GSTA2: variants seen among roughly 807,000 people sequenced by gnomAD.
GSTA2 encodes glutathione S-transferase alpha 2.
In GSTA2, 27 loss-of-function variants were observed where a neutral mutation model predicts 22.4. The ratio of observed to expected loss-of-function variants is 1.21; its 90% CI spans 0.89 to 1.67. The LOEUF is 1.67. GSTA2 is among the 40% of genes most tolerant of loss of function. The pLI is 0.00. For missense variants in GSTA2, 302 were observed against 260.2 expected (o/e 1.16, Z -1.11); for synonymous variants, 121 against 86.8 (o/e 1.39, Z -2.19).
At position 52,750,361 on chromosome 6, in the gene GSTA2, A is replaced by T; in HGVS notation, c.*216T>A. 2.6e-6 allele frequency: 1 copy of T among 384,114 alleles called. No individual in the cohort carries two copies. The highest frequency in any genetic ancestry group is 5.3e-5 in the South Asian group (1 of 19,014). 23.8% of individuals were successfully genotyped at this position (384,114 alleles called of 1,614,324 possible). A position where few individuals can be genotyped will look rare whatever the true frequency, so the allele number is the denominator to read the frequency against. The stretch of plus-strand genomic sequence containing the variant: ...AATTCCAAGAAAATTGTTGGCTAGG[A>T]GGAGATTGGAAAACTGAATTCACAT... On this transcript the variant is annotated 3_prime_UTR_variant, in exon 7 of 7. Coordinates refer to ENST00000493422, the MANE Select transcript of GSTA2 (RefSeq NM_000846.5).
At chr6:52,761,707 C>T (rs1368350837) in intron 1 of GSTA2, among the ~76,000 whole-genome samples, 2 of 150,518 alleles carry the variant, frequency 1.3e-5, no homozygotes, top group Non-Finnish European at 2.9e-5. Context: ...CCATGGTTCT[C>T]AACCAGGGGG....
At chr6:52,758,977 G>A (rs1762901191) in intron 1 of GSTA2, among the ~76,000 whole-genome samples, 2 of 152,104 alleles carry the variant, frequency 1.3e-5, no homozygotes, top group Admixed American at 1.3e-4. Flanking sequence ...TGATAGATCT[G>A]GGATCCAGGG....
intron 3 of GSTA2, 28 bp downstream of exon 3, chr6:52,756,230 A>G (rs1581774454): frequency 6.4e-7 from 1 of 1,554,070 alleles, no homozygotes; most frequent in East Asian, 2.2e-5. Context: ...AGATACCCTC[A>G]TTAGAGAAAC....
At chr6:52,762,684 C>G (rs1762971871) in intron 1 of GSTA2, among the ~76,000 whole-genome samples, 1 of 152,178 alleles carries the variant, frequency 6.6e-6, no homozygotes, top group African/African-American at 2.4e-5. Context: ...GCCCCGGTCC[C>G]CTGGACCCAC....
At chr6:52,759,251 T>C (rs1762906144) in intron 1 of GSTA2, among the ~76,000 whole-genome samples, 1 of 152,216 alleles carries the variant, frequency 6.6e-6, no homozygotes, top group African/African-American at 2.4e-5. Flanking sequence ...GGTTAGAGAC[T>C]GGGCTTATCA....
chr6:52,759,563 G>GTTTTTTTTTTTT lies in GSTA2; in HGVS notation c.-30-1598_-30-1587dup, dbSNP rs70977382. On this transcript the variant is annotated intron_variant, in intron 1 of 6. Coordinates refer to ENST00000493422, the MANE Select transcript of GSTA2 (RefSeq NM_000846.5). ...CCTTTAACAACTAATGTATTTATTT[G>GTTTTTTTTTTTT]TTTTTTTTTTTTTTTTTTTTTTTTT... Among the ~76,000 whole-genome samples, 28 of 34,198 alleles carry GTTTTTTTTTTTT rather than the reference G, an allele frequency of 8.2e-4. 6 individuals are homozygous for GTTTTTTTTTTTT. Among genetic ancestry groups the GTTTTTTTTTTTT allele is most frequent in the African/African-American group, 1.6e-3 (18 of 11,560 alleles). 22.4% of individuals were successfully genotyped at this position (34,198 alleles called of 152,430 possible).
rs1762938940 is a variant in GSTA2 at position 52,760,813 on chromosome 6, A to C, written c.-31+2631T>G. 2.6e-5 allele frequency among the ~76,000 whole-genome samples: 4 copies of C among 152,324 alleles called. No homozygotes were observed. In the South Asian group the frequency reaches 8.3e-4, roughly 32 times the overall value. ...AGGGGCTTGCTTGGAAGAAAAAACT[A>C]ATAAAAGTGTGCCTTTCTCTACTTT... is the stretch of plus-strand genomic sequence containing the variant. On this transcript the variant is annotated intron_variant, in intron 1 of 6. Coordinates refer to ENST00000493422, the MANE Select transcript of GSTA2 (RefSeq NM_000846.5).
chr6:52,763,094 A>ATG (rs1054578984), intron 1 of GSTA2, among the ~76,000 whole-genome samples: 4 of 152,300 alleles, frequency 2.6e-5, no homozygotes, highest in African/African-American at 9.6e-5. Context: ...TGTGTTGACT[A>ATG]TATATATAAA....
At position 52,756,365 on chromosome 6, in the gene GSTA2, G is replaced by T. The variant is rs2127288097; in HGVS notation, c.88-56C>A. On this transcript the variant is annotated intron_variant, in intron 2 of 6. Coordinates refer to ENST00000493422, the MANE Select transcript of GSTA2 (RefSeq NM_000846.5). ...TTAGTTCATTCTATTATAGACCTGT[G>T]AAATTGAATGGCCTCTATCTGGTGC... is the stretch of plus-strand genomic sequence containing the variant. 1.5e-6 allele frequency: 2 copies of T among 1,326,684 alleles called. 1 individual carries two copies. The highest frequency in any genetic ancestry group is 4.6e-5 in the East Asian group (2 of 43,072). 82.2% of individuals were successfully genotyped at this position (1,326,684 alleles called of 1,614,324 possible). A position where few individuals can be genotyped will look rare whatever the true frequency, so the allele number is the denominator to read the frequency against.
At chr6:52,756,202 C>T in intron 3 of GSTA2, 56 bp downstream of exon 3, 10 of 1,291,904 alleles carry the variant, frequency 7.7e-6, no homozygotes, top group South Asian at 7.1e-5. Context: ...GCGCAAACCT[C>T]CCCGTGTACC....
At chr6:52,759,549 T>A (rs1350425438) in intron 1 of GSTA2, among the ~76,000 whole-genome samples, 1 of 144,024 alleles carries the variant, frequency 6.9e-6, no homozygotes, top group African/African-American at 2.5e-5. Flanking sequence ...CTTTAACAAC[T>A]AATGTATTTA....
At chr6:52,753,274 AT>A (rs1289864948) in intron 4 of GSTA2, among the ~76,000 whole-genome samples, 1 of 152,210 alleles carries the variant, frequency 6.6e-6, no homozygotes, top group African/African-American at 2.4e-5. Context: ...GAAGAAGATC[AT>A]CGGTGGTCAC....
chr6:52,760,318 A>G (rs1762930915), intron 1 of GSTA2, among the ~76,000 whole-genome samples: 2 of 152,334 alleles, frequency 1.3e-5, no homozygotes, highest in South Asian at 2.1e-4. Context: ...CTGATAATTA[A>G]CATATCACTT....
At chr6:52,758,031 TG>T in intron 1 of GSTA2, 54 bp from the exon 2 acceptor site, 1 of 1,091,162 alleles carries the variant, frequency 9.2e-7, no homozygotes, top group East Asian at 2.4e-5. Context: ...GAATCAAAAA[TG>T]TACTTTAGGA....
chr6:52,752,511 G>A (rs1467867058), intron 5 of GSTA2, among the ~76,000 whole-genome samples: 1 of 152,176 alleles, frequency 6.6e-6, no homozygotes, highest in African/African-American at 2.4e-5. Context: ...TCATGCCCCT[G>A]TTCAAAGTCC....
rs1228187939 is a variant in GSTA2 at position 52,750,587 on chromosome 6, A to C, written c.659T>G (p.Phe220Cys). Residue 220 changes from phenylalanine (F) to cysteine (C), a missense_variant, in exon 7 of 7, where the codon TTC becomes TGC. Transcript: ENST00000493422. ...TCTATGGCTGGTTTATTAAAACCTG[A>C]AAATCTTCCTTGATTCTTCTAAAGA... ...EKSLEESRKIFRF is the reference protein window; with the variant it reads ...EKSLEESRKICRF The C allele has an allele frequency of 6.2e-7, 1 of 1,613,816 alleles. No homozygotes were observed. The highest frequency in any genetic ancestry group is 8.5e-7 in the Non-Finnish European group (1 of 1,179,876).
At chr6:52,751,948 T>C (rs942540849) in intron 5 of GSTA2, among the ~76,000 whole-genome samples, 34 of 152,324 alleles carry the variant, frequency 2.2e-4, no homozygotes, top group African/African-American at 7.0e-4. Context: ...CACTGTGGCG[T>C]CTACACTACC....
intron 1 of GSTA2, among the ~76,000 whole-genome samples, chr6:52,759,435 G>T (rs1266788968): frequency 6.6e-6 from 1 of 152,108 alleles, no homozygotes; most frequent in Non-Finnish European, 1.5e-5. Context: ...CAGGACTTAG[G>T]AATAGTTGCG....
intron 1 of GSTA2, among the ~76,000 whole-genome samples, chr6:52,759,498 A>G (rs1056045331): frequency 1.3e-5 from 2 of 148,866 alleles, no homozygotes; most frequent in East Asian, 3.9e-4. Context: ...TCTTCTTGCA[A>G]AGTTTTGTGG....
Sources: allele counts gnomAD v4.1 joint callset (sites outside exome capture counted in the v4.1 genomes callset), GRCh38; gene constraint gnomAD v4.1.1; transcripts MANE v1.5; gene names NCBI Gene and HGNC (gene_info 2026-07-23, HGNC 2026-07-21).